LRBA: variants seen among roughly 807,000 people sequenced by gnomAD.
LRBA encodes the protein lipopolysaccharide-responsive and beige-like anchor protein.
Under a neutral mutation model 330.0 loss-of-function variants are expected in LRBA, and 176 were observed. The observed-to-expected ratio is 0.53, with a 90% confidence interval of 0.47 to 0.60. The LOEUF (loss-of-function observed/expected upper bound fraction) is 0.60. LRBA is among the 20% of genes least tolerant of loss of function. The pLI is 0.00. For synonymous variants in LRBA, 1,230 were observed against 1,193.0 expected, an observed-to-expected ratio of 1.03 and a Z score of -0.64; for missense variants, 3,259 against 3,444.8, an observed-to-expected ratio of 0.95 and a Z score of 1.35.
chr4:150,327,874 T>C (rs1733497469), intron 48 of LRBA, among the ~76,000 whole-genome samples: 1 of 152,106 alleles, frequency 6.6e-6, no homozygotes, highest in South Asian at 2.1e-4. Context: ...AGGAAGAGAA[T>C]GAGAAATACA....
At chr4:150,952,527 A>G (rs1020405872) in intron 2 of LRBA, among the ~76,000 whole-genome samples, 2 of 152,180 alleles carry the variant, frequency 1.3e-5, no homozygotes, top group Admixed American at 6.5e-5. Flanking sequence ...AAATCCAAGT[A>G]GTAAAGGCCA....
intron 28 of LRBA, among the ~76,000 whole-genome samples, chr4:150,843,443 A>T (rs947842396): frequency 6.6e-6 from 1 of 152,198 alleles, no homozygotes; most frequent in African/African-American, 2.4e-5. Context: ...TTTCATCTTT[A>T]TACTTTCTAT....
At chr4:150,515,965 A>T (rs946725996) in intron 40 of LRBA, among the ~76,000 whole-genome samples, 2 of 152,060 alleles carry the variant, frequency 1.3e-5, no homozygotes, top group African/African-American at 4.8e-5. Flanking sequence ...TACCATTAAA[A>T]TGTAAATTTA....
chr4:150,268,041 TAGAGTG>T (rs1169953789), intron 56 of LRBA, among the ~76,000 whole-genome samples: 44 of 139,068 alleles, frequency 3.2e-4, no homozygotes, highest in Non-Finnish European at 4.2e-4. Flanking sequence ...GCCTGGGTGA[TAGAGTG>T]AGACTCCATC....
intron 40 of LRBA, among the ~76,000 whole-genome samples, chr4:150,528,556 A>G (rs1368871254): frequency 6.6e-6 from 1 of 151,922 alleles, no homozygotes; most frequent in Non-Finnish European, 1.5e-5. Context: ...GTCTATATAC[A>G]GTTTAAAGGT....
At chr4:150,584,945 C>G (rs1012769917) in intron 40 of LRBA, among the ~76,000 whole-genome samples, 1 of 152,172 alleles carries the variant, frequency 6.6e-6, no homozygotes, top group Admixed American at 6.5e-5. Flanking sequence ...AAAGTAACAT[C>G]TACTTCACGC....
At position 150,870,590 on chromosome 4, in the gene LRBA, A is replaced by G; in HGVS notation, c.2384T>C (p.Ile795Thr). Reference sequence around the variant, plus strand: ...CTGTTTATGTATCACCTGAGTACCAATCTGTTCTATAAGAATCTACAGAAG... The same window carrying G: ...CTGTTTATGTATCACCTGAGTACCAGTCTGTTCTATAAGAATCTACAGAAG... ...NVLFEILIEQ[I>T]GTQVIHKQHP... is the part of the protein sequence containing the mutation. Residue 795 changes from isoleucine to threonine, a missense_variant, in exon 20 of 57, where the codon ATT becomes ACT. Physicochemically the swap from Ile to Thr is moderately conservative, Grantham distance 89 (BLOSUM62 -1). Transcript: ENST00000651943. 4 of 1,557,746 alleles carry G rather than the reference A, an allele frequency of 2.6e-6. No homozygotes were observed. The highest frequency in any genetic ancestry group is 2.2e-5 in the East Asian group (1 of 44,472).
chr4:150,348,410 G>A (rs1424183851), intron 48 of LRBA, among the ~76,000 whole-genome samples: 1 of 152,180 alleles, frequency 6.6e-6, no homozygotes, highest in Non-Finnish European at 1.5e-5. Flanking sequence ...CTTGCATTGA[G>A]AGAAACAGTG....
chr4:150,437,578 A>G (rs1751290369), intron 44 of LRBA, among the ~76,000 whole-genome samples: 1 of 151,052 alleles, frequency 6.6e-6, no homozygotes, highest in Admixed American at 6.6e-5. Context: ...CATTAAAAAA[A>G]GAATAGTAGA....
intron 42 of LRBA, among the ~76,000 whole-genome samples, chr4:150,484,130 C>T (rs1757607947): frequency 6.6e-6 from 1 of 151,950 alleles, no homozygotes; most frequent in Non-Finnish European, 1.5e-5. Flanking sequence ...AGGATGTCTG[C>T]AGTTCCTATT....
intron 36 of LRBA, among the ~76,000 whole-genome samples, chr4:150,721,816 C>A (rs1728977122): frequency 6.6e-6 from 1 of 152,060 alleles, no homozygotes; most frequent in African/African-American, 2.4e-5. Context: ...GGGGTTTCAT[C>A]TTGTTGGCCA....
At chr4:150,997,202 A>G (rs944998389) in intron 2 of LRBA, among the ~76,000 whole-genome samples, 1 of 152,214 alleles carries the variant, frequency 6.6e-6, no homozygotes, top group Non-Finnish European at 1.5e-5. Flanking sequence ...CTAGAAAGAT[A>G]TTTGTGCAAT....
chr4:150,549,773 C>A (rs557754473), intron 40 of LRBA, among the ~76,000 whole-genome samples: 2 of 149,950 alleles, frequency 1.3e-5, no homozygotes, highest in Middle Eastern at 6.8e-3. Flanking sequence ...TTTGTCTGTC[C>A]CAAATCACTA....
intron 2 of LRBA, among the ~76,000 whole-genome samples, chr4:150,948,972 C>T (rs1335507434): frequency 2.0e-5 from 3 of 151,320 alleles, no homozygotes; most frequent in Non-Finnish European, 4.4e-5. Context: ...CTGGATAATT[C>T]GTATGTTGTT....
chr4:150,311,761 T>C (rs1386893127), intron 51 of LRBA, among the ~76,000 whole-genome samples: 1 of 152,214 alleles, frequency 6.6e-6, no homozygotes, highest in Non-Finnish European at 1.5e-5. Flanking sequence ...GAATCCTAGT[T>C]GGGAATCATT....
chr4:150,470,876 C>CCACACCA (rs1554034851), intron 43 of LRBA, among the ~76,000 whole-genome samples: 2 of 143,708 alleles, frequency 1.4e-5, no homozygotes, highest in Non-Finnish European at 3.0e-5. Flanking sequence ...CACACACACA[C>CCACACCA]CACACACTAA....
chr4:150,908,977 A>G, intron 9 of LRBA, 120 bp from the exon 10 acceptor site: 1 of 616,992 alleles, frequency 1.6e-6, no homozygotes, highest in Non-Finnish European at 2.7e-6. Context: ...GTATTATATA[A>G]GAGGACCCCT....
intron 36 of LRBA, chr4:150,721,257 G>T: frequency 2.6e-6 from 1 of 388,310 alleles, no homozygotes; most frequent in Non-Finnish European, 5.0e-6. Context: ...CTTTTTAGAT[G>T]AGTGGCTTTA....
chr4:150,639,119 T>C (rs1377551397), intron 37 of LRBA, among the ~76,000 whole-genome samples: 86 of 145,046 alleles, frequency 5.9e-4, no homozygotes, highest in African/African-American at 1.9e-3. Flanking sequence ...AACCAAACAC[T>C]GCATATTCTC....
Sources: gnomAD v4.1 joint callset for allele counts (sites outside exome capture counted in the v4.1 genomes callset) on GRCh38, gnomAD v4.1.1 for gene constraint, MANE v1.5 for transcripts, NCBI Gene and HGNC (gene_info 2026-07-23, HGNC 2026-07-21) for gene names.